Variants in APOL3 observed in about 807,000 individuals in gnomAD.
APOL3 encodes the protein apolipoprotein L3.
In APOL3, 14 loss-of-function variants were observed where a neutral mutation model predicts 11.6. That is an observed-to-expected ratio of 1.21 (90% CI 0.80 to 1.89). The LOEUF (loss-of-function observed/expected upper bound fraction) is 1.89, where lower values mean the gene tolerates loss of function less well. APOL3 is among the 40% of genes most tolerant of loss of function. The pLI is 0.00. For synonymous variants in APOL3, 192 were observed against 190.6 expected, an observed-to-expected ratio of 1.01 and a Z score of -0.06; for missense variants, 483 against 492.1, an observed-to-expected ratio of 0.98 and a Z score of 0.17.
intron 2 of APOL3, among the ~76,000 whole-genome samples, chr22:36,142,387 A>G (rs1201307361): frequency 1.3e-5 from 2 of 152,176 alleles, no homozygotes; most frequent in Non-Finnish European, 2.9e-5. Context: ...GGAGAGGGGA[A>G]ATTTTGTAGA....
intron 1 of APOL3, among the ~76,000 whole-genome samples, chr22:36,157,158 A>G (rs1405904474): frequency 1.3e-5 from 2 of 152,146 alleles, no homozygotes; most frequent in Non-Finnish European, 2.9e-5. Flanking sequence ...ATTTCTAAAA[A>G]CACGCGAGCC....
At chr22:36,144,338 C>T (rs1338306178) in intron 2 of APOL3, among the ~76,000 whole-genome samples, 6 of 152,116 alleles carry the variant, frequency 3.9e-5, no homozygotes, top group African/African-American at 1.2e-4. Context: ...GCCCCTGAAA[C>T]GTCTCTCTGG....
chr22:36,149,964 G>T, intron 1 of APOL3: 1 of 443,676 alleles, frequency 2.3e-6, no homozygotes, highest in South Asian at 1.6e-5. Flanking sequence ...ATACCACCAC[G>T]CTAGGCACAT....
chr22:36,143,863 T>C (rs762322957), intron 2 of APOL3, among the ~76,000 whole-genome samples: 4 of 152,212 alleles, frequency 2.6e-5, no homozygotes, highest in Non-Finnish European at 4.4e-5. Flanking sequence ...TTGAAAATCA[T>C]CTCTATAAAT....
chr22:36,150,753 C>A (rs2060402288), intron 1 of APOL3, among the ~76,000 whole-genome samples: 1 of 152,132 alleles, frequency 6.6e-6, no homozygotes, highest in Admixed American at 6.5e-5. Flanking sequence ...GGCGTGGTGG[C>A]GTGTGCCTGT....
rs781672683 is a variant in APOL3, at chr22:36,160,738, G to T, written c.154C>A (p.Leu52Met). The T allele has an allele frequency of 6.2e-7, 1 of 1,614,198 alleles. No homozygotes were observed. The highest frequency in any genetic ancestry group is 1.1e-5 in the South Asian group (1 of 91,086). ...CTGAGCTGTGTGGATCCCACCTCCA[G>T]CCGTGCATCTGCATAATAACCAGAC... The change falls in exon 1 of 3, where the codon CTG (leucine) becomes ATG (methionine). Residue 52 changes from leucine to methionine, a missense_variant. By Grantham distance (15) the Leu-to-Met change is conservative. The change creates a new upstream start codon in the 5' untranslated region. Coordinates refer to ENST00000349314, the Ensembl canonical transcript of APOL3.
In APOL3 at chr22:36,160,866, C is replaced by T. The variant is rs2013652085; in HGVS notation, c.26G>A (p.Trp9Ter). 1 of 1,613,202 alleles carries T rather than the reference C, an allele frequency of 6.2e-7. No individual in the cohort carries two copies. The highest frequency in any genetic ancestry group is 1.3e-5 in the African/African-American group (1 of 74,868). Reference sequence around the variant, plus strand: ...CAAACATGCAAAACAGGATGCTTCCCAGCCCCACCCTTGGCCCAGTCCCAT... The same window carrying T: ...CAAACATGCAAAACAGGATGCTTCCTAGCCCCACCCTTGGCCCAGTCCCAT... Residue 9 changes from tryptophan to a stop codon, truncating the protein, a stop_gained, in exon 1 of 3, where the codon TGG becomes TAG. Transcript: ENST00000349314. LOFTEE classifies it high-confidence loss of function.
chr22:36,144,188 C>T (rs766504147), intron 2 of APOL3, among the ~76,000 whole-genome samples: 19 of 152,154 alleles, frequency 1.2e-4, no homozygotes, highest in African/African-American at 2.9e-4. Flanking sequence ...CTCACTGGTC[C>T]TCTGCAAGTC....
Position 36,157,055 on chromosome 22 carries a change from T to A in APOL3, c.223+3614A>T, listed in dbSNP as rs1475633732. 14 of 455,964 alleles carry A rather than the reference T, an allele frequency of 3.1e-5. No homozygotes were observed. The Admixed American group carries it at 3.3e-4, about 11-fold the overall frequency. The allele number at this position is 455,964 out of a possible 1,614,324, so 28.2% of individuals were successfully genotyped here. On this transcript the variant is annotated intron_variant, in intron 1 of 2. Transcript: ENST00000349314. ...ACCATGACTCTGATTTCATGTACTT[T>A]TGGTGGCTCTATCAGGTTTCTGAGT...
chr22:36,141,741 C>G (rs1318281244), exon 3 of APOL3: 1 of 1,614,092 alleles, frequency 6.2e-7, no homozygotes, highest in East Asian at 2.2e-5. Context: ...CAGCCCTACC[C>G]CAGCTGCAGT....
intron 1 of APOL3, chr22:36,159,608 T>C (rs1249659530): frequency 6.6e-6 from 1 of 152,224 alleles, no homozygotes; most frequent in Non-Finnish European, 1.5e-5. Flanking sequence ...CATGCCGTTC[T>C]CACTGCCCCT....
At chr22:36,158,983 G>A (rs1158672133) in intron 1 of APOL3, among the ~76,000 whole-genome samples, 2 of 152,108 alleles carry the variant, frequency 1.3e-5, no homozygotes, top group African/African-American at 4.8e-5. Flanking sequence ...GTGTGTGTGT[G>A]TGTGTGTGAA....
At chr22:36,142,264 C>T (rs2060026016) in intron 2 of APOL3, among the ~76,000 whole-genome samples, 1 of 152,190 alleles carries the variant, frequency 6.6e-6, no homozygotes, top group South Asian at 2.1e-4. Context: ...AGTACTTATT[C>T]TGTATGGGAA....
chr22:36,157,624 A>G (rs1293254677), intron 1 of APOL3, among the ~76,000 whole-genome samples: 1 of 152,268 alleles, frequency 6.6e-6, no homozygotes, highest in East Asian at 1.9e-4. Context: ...ATTAAAAATT[A>G]GAAAGAACAT....
At position 36,145,274 on chromosome 22, in the gene APOL3, C is replaced by T. The variant is rs138142631; in HGVS notation, c.350+199G>A. ...AACTGACCCTGCCCTTGTGGGCTTC[C>T]TCTCCCCTCAGCCTGAGGTCACTCA... is the stretch of plus-strand genomic sequence containing the variant. On this transcript the variant is annotated intron_variant, in intron 2 of 2. Transcript: ENST00000349314. Among the ~76,000 whole-genome samples the T allele has an allele frequency of 2.4e-4, 36 of 152,310 alleles. No homozygotes were observed. The East Asian group carries it at 4.1e-3, about 17-fold the overall frequency.
At chr22:36,157,164 G>A (rs951697795) in intron 1 of APOL3, among the ~76,000 whole-genome samples, 5 of 152,052 alleles carry the variant, frequency 3.3e-5, no homozygotes, top group Admixed American at 1.3e-4. Flanking sequence ...AAAAACACGC[G>A]AGCCAGCTAA....
upstream of APOL3, chr22:36,165,538 C>T (rs2013837838): frequency 6.6e-6 from 1 of 152,158 alleles, no homozygotes; most frequent in Admixed American, 6.5e-5. Context: ...CCTGGTTAGC[C>T]CCCTTTCTTG....
At chr22:36,143,364 C>T (rs1263599337) in intron 2 of APOL3, among the ~76,000 whole-genome samples, 1 of 152,212 alleles carries the variant, frequency 6.6e-6, no homozygotes, top group Non-Finnish European at 1.5e-5. Flanking sequence ...CTGTGATAAA[C>T]CACAATCGTG....
chr22:36,151,827 C>A (rs548127895), intron 1 of APOL3, among the ~76,000 whole-genome samples: 1 of 152,244 alleles, frequency 6.6e-6, no homozygotes, highest in African/African-American at 2.4e-5. Context: ...GTGATGCATG[C>A]CTCTAGTCCC....
Sources: gnomAD v4.1 joint callset for allele counts (sites outside exome capture counted in the v4.1 genomes callset) on GRCh38, gnomAD v4.1.1 for gene constraint, MANE v1.5 for transcripts, NCBI Gene and HGNC (gene_info 2026-07-23, HGNC 2026-07-21) for gene names.